GABRB2: variants seen among roughly 807,000 people sequenced by gnomAD.
GABRB2 encodes the protein gamma-aminobutyric acid type A receptor subunit beta2.
A neutral mutation model predicts 54.7 loss-of-function variants in GABRB2; 16 were observed. That is an observed-to-expected ratio of 0.29 (90% CI 0.20 to 0.44). The LOEUF is 0.44. GABRB2 is among the 20% of genes least tolerant of loss of function. GABRB2 has a pLI of 1.00. For synonymous variants in GABRB2, 244 were observed against 233.8 expected, an observed-to-expected ratio of 1.04 and a Z score of -0.40; for missense variants, 355 against 644.0, an observed-to-expected ratio of 0.55 and a Z score of 4.86.
At chr5:161,373,689 T>C (rs973127359) in intron 5 of GABRB2, among the ~76,000 whole-genome samples, 3 of 152,192 alleles carry the variant, frequency 2.0e-5, no homozygotes, top group African/African-American at 7.2e-5. Flanking sequence ...AGTTATTATA[T>C]ATTCCCAGCT....
intron 5 of GABRB2, among the ~76,000 whole-genome samples, chr5:161,375,732 AATAACATC>A (rs1263339834): frequency 6.6e-6 from 1 of 152,228 alleles, no homozygotes; most frequent in Admixed American, 6.5e-5. Flanking sequence ...GGGGAAACAC[AATAACATC>A]ATACGGTTTA....
chr5:161,490,641 A>T (rs1468084748), intron 3 of GABRB2, among the ~76,000 whole-genome samples: 1 of 151,720 alleles, frequency 6.6e-6, no homozygotes, highest in Non-Finnish European at 1.5e-5. Context: ...TCAGTTTTAC[A>T]GAAGAGGAAA....
intron 4 of GABRB2, among the ~76,000 whole-genome samples, chr5:161,441,938 A>G (rs1042276012): frequency 6.6e-6 from 1 of 152,194 alleles, no homozygotes; most frequent in African/African-American, 2.4e-5. Flanking sequence ...AAGAAGAATG[A>G]TTACCAGAGG....
chr5:161,398,409 A>G (rs1364316871), intron 5 of GABRB2, among the ~76,000 whole-genome samples: 1 of 152,232 alleles, frequency 6.6e-6, no homozygotes, highest in East Asian at 1.9e-4. Flanking sequence ...GACTTTGGCT[A>G]AATTAAACTG....
chr5:161,477,038 G>T (rs917631592), intron 3 of GABRB2, among the ~76,000 whole-genome samples: 3 of 151,644 alleles, frequency 2.0e-5, no homozygotes, highest in African/African-American at 7.3e-5. Context: ...ATCTGAGAAG[G>T]TATTAATATA....
chr5:161,371,955 C>A (rs1425064724), intron 5 of GABRB2, among the ~76,000 whole-genome samples: 1 of 152,000 alleles, frequency 6.6e-6, no homozygotes, highest in Non-Finnish European at 1.5e-5. Flanking sequence ...ATCTTGAACT[C>A]CTGGGCTCAA....
chr5:161,376,858 C>A lies in GABRB2; in HGVS notation c.541+34117G>T, dbSNP rs149904250. 2.3e-4 allele frequency among the ~76,000 whole-genome samples: 35 copies of A among 151,790 alleles called. No individual in the cohort carries two copies. In the East Asian group the frequency reaches 6.2e-3, roughly 27 times the overall value. ...GAAGTAGGGAGAAAATAAATATGTA[C>A]CCTGCATTTTAAAATGTTTGAAAAG... On this transcript the variant is annotated intron_variant, in intron 5 of 9. Coordinates refer to ENST00000393959, the MANE Select transcript of GABRB2 (RefSeq NM_001371727.1).
chr5:161,413,717 G>C (rs1320667031), intron 4 of GABRB2, among the ~76,000 whole-genome samples: 1 of 152,106 alleles, frequency 6.6e-6, no homozygotes, highest in Non-Finnish European at 1.5e-5. Flanking sequence ...AAATAATCCT[G>C]TCTTGAGAAA....
At chr5:161,295,576 A>G (rs940204719) in intron 9 of GABRB2, among the ~76,000 whole-genome samples, 2 of 152,244 alleles carry the variant, frequency 1.3e-5, no homozygotes, top group African/African-American at 4.8e-5. Context: ...GAAACAAGGC[A>G]TATAACCAAA....
intron 9 of GABRB2, among the ~76,000 whole-genome samples, chr5:161,319,745 G>T (rs73797568): frequency 6.6e-6 from 1 of 151,654 alleles, no homozygotes; most frequent in Non-Finnish European, 1.5e-5. Context: ...ACCACTAGAG[G>T]TATTTGAATT....
chr5:161,452,900 G>T (rs930008968), intron 4 of GABRB2, among the ~76,000 whole-genome samples: 2 of 152,164 alleles, frequency 1.3e-5, no homozygotes, highest in African/African-American at 4.8e-5. Flanking sequence ...GGAGGCTGAG[G>T]TGGGAGAATT....
chr5:161,433,776 G>T (rs1049615671), intron 4 of GABRB2, among the ~76,000 whole-genome samples: 1 of 151,632 alleles, frequency 6.6e-6, no homozygotes, highest in Non-Finnish European at 1.5e-5. Context: ...TTATTTACAG[G>T]TTCTTTCCTA....
intron 7 of GABRB2, among the ~76,000 whole-genome samples, chr5:161,334,202 A>T (rs1753927361): frequency 6.6e-6 from 1 of 152,216 alleles, no homozygotes; most frequent in Non-Finnish European, 1.5e-5. Context: ...AAAAATGTTC[A>T]TGAAATGTAA....
chr5:161,502,087 T>C (rs1759462151), intron 3 of GABRB2, among the ~76,000 whole-genome samples: 2 of 150,480 alleles, frequency 1.3e-5, no homozygotes, highest in Non-Finnish European at 3.0e-5. Context: ...TTACATAACA[T>C]ACTTTATGCA....
intron 5 of GABRB2, among the ~76,000 whole-genome samples, chr5:161,386,838 A>AAATT (rs386405487): frequency 6.6e-6 from 1 of 151,360 alleles, no homozygotes; most frequent in Non-Finnish European, 1.5e-5. Context: ...AAAAAAAAAA[A>AAATT]ATTATTATTG....
At chr5:161,510,626 A>ATGTTT (rs570652887) in intron 3 of GABRB2, among the ~76,000 whole-genome samples, 79 of 151,934 alleles carry the variant, frequency 5.2e-4, no homozygotes, top group African/African-American at 1.6e-3. Context: ...AGGATAATAA[A>ATGTTT]TGTTTTGTTT....
intron 9 of GABRB2, among the ~76,000 whole-genome samples, chr5:161,304,734 T>A (rs1757631691): frequency 6.6e-6 from 1 of 152,086 alleles, no homozygotes; most frequent in Admixed American, 6.6e-5. Flanking sequence ...AAGATGAATG[T>A]TAAATTTTGG....
intron 3 of GABRB2, among the ~76,000 whole-genome samples, chr5:161,483,826 G>GA: frequency 6.6e-6 from 1 of 151,872 alleles, no homozygotes; most frequent in Non-Finnish European, 1.5e-5. Context: ...CCCCTTTAAT[G>GA]AAAAAAGTCT....
At position 161,293,902 on chromosome 5, in the gene GABRB2, T is replaced by TA; in HGVS notation, c.*178dup. 1.7e-6 allele frequency: 1 copy of TA among 590,378 alleles called. No homozygotes were observed. Among genetic ancestry groups the TA allele is most frequent in the Non-Finnish European group, 3.0e-6 (1 of 332,700 alleles). The allele number at this position is 590,378 out of a possible 1,614,324, so 36.6% of individuals were successfully genotyped here. ...CTGGAAAACCACAAGGACCTTAGTG[T>TA]ATTCATTACTTAGCAGAAGCAACCC... On this transcript the variant is annotated 3_prime_UTR_variant, in exon 10 of 10. Transcript: ENST00000393959.
Sources: gnomAD v4.1 joint callset for allele counts (sites outside exome capture counted in the v4.1 genomes callset) on GRCh38, gnomAD v4.1.1 for gene constraint, MANE v1.5 for transcripts, NCBI Gene and HGNC (gene_info 2026-07-23, HGNC 2026-07-21) for gene names.